The following RARB variants were observed in gnomAD, a reference collection of about 807,000 sequenced individuals.
RARB encodes HBV-activated protein.
Under a neutral mutation model 51.9 loss-of-function variants are expected in RARB, and 17 were observed. That is an observed-to-expected ratio of 0.33 (90% CI 0.22 to 0.49). The LOEUF (loss-of-function observed/expected upper bound fraction) is 0.49, where lower values mean the gene tolerates loss of function less well. RARB is among the 20% of genes least tolerant of loss of function. The pLI is 0.99. For synonymous variants in RARB, 215 were observed against 195.4 expected (o/e 1.10, Z -0.84); for missense variants, 369 against 550.8 (o/e 0.67, Z 3.30).
At chr3:25,269,818 C>G (rs867608212) in intron 5 of RARB, among the ~76,000 whole-genome samples, 1 of 152,016 alleles carries the variant, frequency 6.6e-6, no homozygotes, top group South Asian at 2.1e-4. Flanking sequence ...TCATTTTATG[C>G]TAAAAATGTC....
intron 5 of RARB, among the ~76,000 whole-genome samples, chr3:25,407,663 A>C (rs1331529083): frequency 6.6e-6 from 1 of 152,146 alleles, no homozygotes; most frequent in Non-Finnish European, 1.5e-5. Flanking sequence ...ACAGAATTGC[A>C]GATAACTGTC....
intron 2 of RARB, among the ~76,000 whole-genome samples, chr3:24,970,574 A>AACACACACCCACAC (rs1696374481): frequency 6.7e-6 from 1 of 148,760 alleles, no homozygotes; most frequent in Non-Finnish European, 1.5e-5. Context: ...AAGTCATGTA[A>AACACACACCCACAC]ACACACACAC....
exon 5 of RARB, chr3:25,174,359 C>G: frequency 2.2e-6 from 3 of 1,342,888 alleles, no homozygotes; most frequent in Non-Finnish European, 3.0e-6. Flanking sequence ...GTGATGTGTT[C>G]CTGCTCCAGA....
chr3:24,881,806 T>C (rs2125357244), intron 2 of RARB, among the ~76,000 whole-genome samples: 1 of 152,274 alleles, frequency 6.6e-6, no homozygotes, highest in East Asian at 1.9e-4. Flanking sequence ...TCAGGAGTGA[T>C]GACTGCTGAA....
At chr3:24,992,026 C>T (rs1031159561) in intron 2 of RARB, among the ~76,000 whole-genome samples, 1 of 152,108 alleles carries the variant, frequency 6.6e-6, no homozygotes, top group Non-Finnish European at 1.5e-5. Flanking sequence ...TTTGGCTCTC[C>T]TTATACCAGG....
Position 25,547,512 on chromosome 3 carries a change from G to A in RARB, c.449-22246G>A, listed in dbSNP as rs186245341. ...CCCATGTGCCAATTTAATGGGCCAA[G>A]CTGAATTATTGGGCGGTCATTGCTT... On this transcript the variant is annotated intron_variant, in intron 3 of 7. Transcript: ENST00000330688. Among the ~76,000 whole-genome samples the A allele has an allele frequency of 1.8e-3, 271 of 152,318 alleles. 1 individual carries two copies. Among genetic ancestry groups the A allele is most frequent in the Admixed American group, 5.3e-3 (81 of 15,300 alleles).
At chr3:24,891,069 G>A (rs776003223) in intron 2 of RARB, among the ~76,000 whole-genome samples, 10 of 152,212 alleles carry the variant, frequency 6.6e-5, no homozygotes, top group Non-Finnish European at 1.5e-4. Context: ...GTTTCAGTCT[G>A]TCTGGAAAGT....
intron 5 of RARB, among the ~76,000 whole-genome samples, chr3:25,399,175 C>T (rs773516167): frequency 1.4e-4 from 22 of 152,194 alleles, no homozygotes; most frequent in Admixed American, 3.3e-4. Flanking sequence ...TGATGCTTTA[C>T]TGAGAAATAA....
intron 2 of RARB, chr3:25,462,270 A>G (rs959537941): frequency 2.6e-5 from 4 of 152,246 alleles, no homozygotes; most frequent in Non-Finnish European, 5.9e-5. Flanking sequence ...CAAGTCCAAC[A>G]GTCTTAATTG....
chr3:25,322,345 G>A (rs976926255), intron 5 of RARB, among the ~76,000 whole-genome samples: 4 of 152,044 alleles, frequency 2.6e-5, no homozygotes, highest in Non-Finnish European at 4.4e-5. Context: ...AAGAAATATG[G>A]GTCTATTTTA....
chr3:25,436,568 T>G (rs1708444861), intron 1 of RARB, among the ~76,000 whole-genome samples: 1 of 152,124 alleles, frequency 6.6e-6, no homozygotes, highest in African/African-American at 2.4e-5. Context: ...CAATACAAAC[T>G]AGAGGTAGGA....
chr3:25,569,944 G>T (rs201595452), intron 4 of RARB, 26 bp downstream of exon 4: 56 of 1,606,070 alleles, frequency 3.5e-5, no homozygotes, highest in South Asian at 1.0e-4. Flanking sequence ...GCCCCAGGCT[G>T]CTGGGAGTGT....
intron 3 of RARB, among the ~76,000 whole-genome samples, chr3:25,514,071 C>T (rs1698039541): frequency 6.6e-6 from 1 of 152,174 alleles, no homozygotes; most frequent in Non-Finnish European, 1.5e-5. Flanking sequence ...CTAAAAATAG[C>T]AACCTGAAAT....
At chr3:25,397,060 C>T (rs903957588) in intron 5 of RARB, among the ~76,000 whole-genome samples, 16 of 152,180 alleles carry the variant, frequency 1.1e-4, no homozygotes, top group African/African-American at 3.9e-4. Context: ...GCCCCCGCAA[C>T]CTCAGATTCT....
intron 2 of RARB, among the ~76,000 whole-genome samples, chr3:25,028,923 C>A (rs373395064): frequency 6.6e-6 from 1 of 152,194 alleles, no homozygotes; most frequent in African/African-American, 2.4e-5. Flanking sequence ...AACTCCACCC[C>A]ACCCCTACTC....
chr3:25,433,928 G>T (rs1366601875), intron 1 of RARB, among the ~76,000 whole-genome samples: 1 of 152,208 alleles, frequency 6.6e-6, no homozygotes, highest in Non-Finnish European at 1.5e-5. Flanking sequence ...CTGGCATTTT[G>T]TCTTGAGCTT....
chr3:25,387,134 G>A (rs144610715), intron 5 of RARB, among the ~76,000 whole-genome samples: 4 of 152,200 alleles, frequency 2.6e-5, no homozygotes, highest in East Asian at 3.9e-4. Flanking sequence ...TGAGTTTGCC[G>A]GAAGACCTTC....
chr3:25,570,107 G>A (rs548423302), intron 4 of RARB, among the ~76,000 whole-genome samples, 189 bp downstream of exon 4: 7 of 152,342 alleles, frequency 4.6e-5, no homozygotes, highest in Non-Finnish European at 8.8e-5. Flanking sequence ...GCCTTTGGGC[G>A]TGGGCAATCA....
chr3:25,449,758 T>C (rs566953777), intron 1 of RARB, among the ~76,000 whole-genome samples: 477 of 32,344 alleles, frequency 0.015, 2 homozygotes, highest in African/African-American at 0.062. Context: ...CTCTCTCTCT[T>C]TTTTTTTTTT....
Sources: gnomAD v4.1 joint callset for allele counts (sites outside exome capture counted in the v4.1 genomes callset) on GRCh38, gnomAD v4.1.1 for gene constraint, MANE v1.5 for transcripts, NCBI Gene and HGNC (gene_info 2026-07-23, HGNC 2026-07-21) for gene names.